The following C2orf76 variants were observed in gnomAD, a reference collection of about 807,000 sequenced individuals.
C2orf76 encodes chromosome 2 open reading frame 76.
A neutral mutation model predicts 16.9 loss-of-function variants in C2orf76; 23 were observed. The ratio of observed to expected loss-of-function variants is 1.36; its 90% CI spans 0.98 to 1.93. C2orf76 has a LOEUF of 1.93. Among genes scored for constraint, C2orf76 ranks in the 30% most tolerant of loss-of-function variants. C2orf76 has a pLI of 0.00. For missense variants in C2orf76, 152 were observed against 152.6 expected (o/e 1.00, Z 0.02); for synonymous variants, 48 against 52.3 (o/e 0.92, Z 0.35).
At chr2:119,327,544 T>C (rs964392374) in intron 2 of C2orf76, among the ~76,000 whole-genome samples, 2 of 152,092 alleles carry the variant, frequency 1.3e-5, no homozygotes, top group African/African-American at 2.4e-5. Context: ...CTCCATGCTA[T>C]AATGGGTGCG....
chr2:119,293,573 A>G, the C2orf76 span, among the ~76,000 whole-genome samples: 108,606 of 152,102 alleles, frequency 0.71, 39,806 homozygotes, highest in African/African-American at 0.89. Context: ...GAATGAGAAC[A>G]GGAAGAATTG....
At chr2:119,354,549 C>T (rs1323469868) in intron 1 of C2orf76, among the ~76,000 whole-genome samples, 1 of 152,048 alleles carries the variant, frequency 6.6e-6, no homozygotes, top group Non-Finnish European at 1.5e-5. Context: ...TTTTAAAAAA[C>T]CCTACATTTA....
chr2:119,311,740 C>A, intron 4 of C2orf76, 37 bp from the exon 5 acceptor site: 1 of 1,563,794 alleles, frequency 6.4e-7, no homozygotes, highest in Middle Eastern at 1.7e-4. Context: ...TTTATCAGTA[C>A]TTACATGGGT....
the C2orf76 span, among the ~76,000 whole-genome samples, chr2:119,282,174 G>C: frequency 6.6e-6 from 1 of 151,992 alleles, no homozygotes; most frequent in Admixed American, 6.6e-5. Context: ...ATAAAAAGTT[G>C]GGAAAGTGAG....
intron 2 of C2orf76, among the ~76,000 whole-genome samples, chr2:119,339,256 T>C (rs1234623861): frequency 2.0e-5 from 3 of 152,212 alleles, no homozygotes; most frequent in Admixed American, 2.0e-4. Flanking sequence ...AGTTCGATGA[T>C]TGGAACACTT....
intron 1 of C2orf76, among the ~76,000 whole-genome samples, chr2:119,341,509 G>T (rs1027628407): frequency 6.6e-6 from 1 of 152,192 alleles, no homozygotes; most frequent in African/African-American, 2.4e-5. Context: ...TACATACATG[G>T]TGTATTATAG....
At chr2:119,301,076 A>AACACACACACACAC (rs57577702), downstream of C2orf76, among the ~76,000 whole-genome samples, 1,317 of 146,212 alleles carry the variant, frequency 9.0e-3, 16 homozygotes, top group African/African-American at 0.032. Context: ...ACTTCTTAAA[A>AACACACACACACAC]ACACACACAC....
At chr2:119,305,667 T>C (rs1678753905) in intron 5 of C2orf76, among the ~76,000 whole-genome samples, 1 of 152,152 alleles carries the variant, frequency 6.6e-6, no homozygotes, top group Admixed American at 6.5e-5. Flanking sequence ...GTGGCTTCTG[T>C]GGCAATCTGA....
intron 5 of C2orf76, among the ~76,000 whole-genome samples, chr2:119,310,922 C>T (rs906177925): frequency 1.3e-5 from 2 of 152,164 alleles, no homozygotes; most frequent in African/African-American, 4.8e-5. Flanking sequence ...TGGCTTGTGA[C>T]ACTGCATCCG....
At chr2:119,339,015 A>G (rs1395238452) in intron 2 of C2orf76, 1 of 152,262 alleles carries the variant, frequency 6.6e-6, no homozygotes, top group Admixed American at 6.5e-5. Context: ...AAACAAACAT[A>G]GCAAAATGTT....
intron 2 of C2orf76, chr2:119,339,185 C>T (rs1000164406): frequency 6.6e-6 from 1 of 152,142 alleles, no homozygotes; most frequent in African/African-American, 2.4e-5. Context: ...CTGCAGATTG[C>T]ACCATATGTA....
intron 4 of C2orf76, among the ~76,000 whole-genome samples, chr2:119,312,450 A>G (rs1282842536): frequency 1.3e-5 from 2 of 152,040 alleles, no homozygotes; most frequent in Admixed American, 6.6e-5. Flanking sequence ...GGGTCTCACT[A>G]TCTTGCCCAG....
intron 5 of C2orf76, among the ~76,000 whole-genome samples, chr2:119,309,219 T>C (rs1486794103): frequency 1.3e-5 from 2 of 152,138 alleles, no homozygotes; most frequent in Admixed American, 1.3e-4. Context: ...CACTAGACTC[T>C]ACTACATAAA....
the C2orf76 span, among the ~76,000 whole-genome samples, chr2:119,289,018 T>A: frequency 0.037 from 5,557 of 152,038 alleles, 333 homozygotes; most frequent in African/African-American, 0.13. Context: ...TTCAAGTGTA[T>A]AAGCAACCCT....
At chr2:119,357,678 A>T (rs1342528025) in intron 1 of C2orf76, among the ~76,000 whole-genome samples, 1 of 152,130 alleles carries the variant, frequency 6.6e-6, no homozygotes, top group African/African-American at 2.4e-5. Flanking sequence ...AGGAACAAGG[A>T]AAAATAGCCA....
chr2:119,366,868 C>T (rs1681032263), upstream of C2orf76: 13 of 765,742 alleles, frequency 1.7e-5, no homozygotes, highest in Middle Eastern at 3.8e-4. Context: ...GCTAGCGCCG[C>T]GGCGGGGGCT....
At chr2:119,309,334 T>C (rs1017481989) in intron 5 of C2orf76, among the ~76,000 whole-genome samples, 1 of 152,184 alleles carries the variant, frequency 6.6e-6, no homozygotes, top group African/African-American at 2.4e-5. Context: ...ATTTTTCTTT[T>C]TCATAGTAAT....
chr2:119,325,456 T>TTAAA (rs1679479314), intron 2 of C2orf76, among the ~76,000 whole-genome samples: 1 of 41,888 alleles, frequency 2.4e-5, no homozygotes, highest in Non-Finnish European at 4.3e-5. Context: ...CAAGACTGTC[T>TTAAA]CAAAAAAAAA....
At chr2:119,342,930 C>A (rs1018308481) in intron 1 of C2orf76, among the ~76,000 whole-genome samples, 1 of 151,942 alleles carries the variant, frequency 6.6e-6, no homozygotes. Flanking sequence ...CCACCAGGCC[C>A]GGCTAATTTT....
Sources: gnomAD v4.1 joint callset for allele counts (sites outside exome capture counted in the v4.1 genomes callset) on GRCh38, gnomAD v4.1.1 for gene constraint, MANE v1.5 for transcripts, NCBI Gene and HGNC (gene_info 2026-07-23, HGNC 2026-07-21) for gene names.